Variants in XRCC4 observed in about 807,000 individuals in gnomAD.
XRCC4 encodes DNA repair protein XRCC4.
A neutral mutation model predicts 39.1 loss-of-function variants in XRCC4; 28 were observed. The ratio of observed to expected loss-of-function variants is 0.72; its 90% CI spans 0.53 to 0.98. The LOEUF is 0.98. Among genes scored for constraint, XRCC4 ranks in the 50% least tolerant of loss-of-function variants. The pLI, the probability that XRCC4 is intolerant of heterozygous loss-of-function variation, is 0.00. For synonymous variants in XRCC4, 123 were observed against 126.4 expected (o/e 0.97, Z 0.18); for missense variants, 350 against 376.4 (o/e 0.93, Z 0.58).
chr5:83,257,290 T>A (rs1753577783), intron 6 of XRCC4, among the ~76,000 whole-genome samples: 1 of 151,784 alleles, frequency 6.6e-6, no homozygotes, highest in Non-Finnish European at 1.5e-5. Flanking sequence ...AATTTACCCA[T>A]CTGACAAAGG....
intron 3 of XRCC4, among the ~76,000 whole-genome samples, chr5:83,193,425 TA>T (rs1275537162): frequency 2.0e-5 from 3 of 152,174 alleles, no homozygotes; most frequent in South Asian, 4.1e-4. Context: ...AAAATAGATA[TA>T]AAAAAAGTTG....
Position 83,255,051 on chromosome 5 carries a change from C to T in XRCC4, c.746-3479C>T, listed in dbSNP as rs1249273857. On this transcript the variant is annotated intron_variant, in intron 6 of 7. Transcript: ENST00000396027. ...GCAGTGAGCCGAGATCACGCCATTGCGCTCCAGCCTGGGCAACAAGAGCAA... is the reference window on the plus strand; with the variant it reads ...GCAGTGAGCCGAGATCACGCCATTGTGCTCCAGCCTGGGCAACAAGAGCAA... 2.7e-5 allele frequency among the ~76,000 whole-genome samples: 4 copies of T among 150,332 alleles called. No individual in the cohort carries two copies. The South Asian group carries it at 6.3e-4, about 24-fold the overall frequency.
chr5:83,138,638 G>A (rs1748017770), intron 3 of XRCC4, among the ~76,000 whole-genome samples: 1 of 151,926 alleles, frequency 6.6e-6, no homozygotes, highest in Non-Finnish European at 1.5e-5. Context: ...TGCATATTAT[G>A]TTACTCTGCC....
At chr5:83,276,451 A>AATGGATTAATCCATTC (rs59303784) in intron 7 of XRCC4, among the ~76,000 whole-genome samples, 19,638 of 143,894 alleles carry the variant, frequency 0.14, 2,517 homozygotes, top group African/African-American at 0.39. Context: ...TTCATTTATG[A>AATGGATTAATCCATTC]ATGGATTAAT....
chr5:83,303,093 G>A (rs1398891482), intron 7 of XRCC4, among the ~76,000 whole-genome samples: 3 of 151,782 alleles, frequency 2.0e-5, no homozygotes, highest in African/African-American at 4.8e-5. Flanking sequence ...CAAGCCTGTA[G>A]TCCCAGCTAC....
At chr5:83,164,046 AGATTTT>A (rs1054892876) in intron 3 of XRCC4, among the ~76,000 whole-genome samples, 5 of 152,194 alleles carry the variant, frequency 3.3e-5, no homozygotes, top group Admixed American at 3.3e-4. Context: ...GAGGGCATTA[AGATTTT>A]TAAGTAAAAT....
intron 7 of XRCC4, among the ~76,000 whole-genome samples, chr5:83,276,732 G>A (rs62371876): frequency 0.023 from 3,453 of 151,934 alleles, 59 homozygotes; most frequent in Middle Eastern, 0.044. Context: ...GTGTCTTTGT[G>A]TGTTTTCTGT....
In XRCC4 at chr5:83,238,315, C is replaced by A. The variant is rs1752769505; in HGVS notation, c.746-20215C>A. Among the ~76,000 whole-genome samples the A allele has an allele frequency of 1.3e-5, 2 of 152,126 alleles. 1 individual carries two copies. Among genetic ancestry groups the A allele is most frequent in the South Asian group, 4.1e-4 (2 of 4,826 alleles). On this transcript the variant is annotated intron_variant, in intron 6 of 7. Transcript: ENST00000396027. ...TACCTTATTACCTACTAGTGGCAGT[C>A]CTCAGAAAATGAGATCTTGCCTCCT... is the stretch of plus-strand genomic sequence containing the variant.
rs34524513 is a variant in XRCC4 at position 83,118,044 on chromosome 5, CCACACACACA to C, written c.315+6866_315+6875del. 5.9e-5 allele frequency among the ~76,000 whole-genome samples: 7 copies of C among 118,526 alleles called. No individual in the cohort carries two copies. The East Asian group carries it at 1.3e-3, about 22-fold the overall frequency. The allele number at this position is 118,526 out of a possible 152,430, so 77.8% of individuals were successfully genotyped here. A position where few individuals can be genotyped will look rare whatever the true frequency, so the allele number is the denominator to read the frequency against. ...TATATATGTGTATGTATATACATCT[CCACACACACA>C]CACACACACACACACACACACACAT... On this transcript the variant is annotated intron_variant, in intron 3 of 7. Coordinates refer to ENST00000396027, the MANE Select transcript of XRCC4 (RefSeq NM_003401.5).
intron 3 of XRCC4, among the ~76,000 whole-genome samples, chr5:83,172,600 A>G (rs571340794): frequency 4.6e-5 from 7 of 152,186 alleles, no homozygotes; most frequent in South Asian, 2.1e-4. Flanking sequence ...CTTTAATTCT[A>G]TTTTTCAGAC....
chr5:83,247,124 G>A (rs1373766875), intron 6 of XRCC4, among the ~76,000 whole-genome samples: 1 of 152,186 alleles, frequency 6.6e-6, no homozygotes, highest in Non-Finnish European at 1.5e-5. Flanking sequence ...ACAAACAGTG[G>A]TTTTAATCAA....
At chr5:83,339,576 T>G (rs1455475978) in intron 7 of XRCC4, among the ~76,000 whole-genome samples, 1 of 151,786 alleles carries the variant, frequency 6.6e-6, no homozygotes, top group Non-Finnish European at 1.5e-5. Flanking sequence ...TGTATACCTA[T>G]GTAACAAACC....
intron 3 of XRCC4, among the ~76,000 whole-genome samples, chr5:83,184,879 G>A (rs1750366655): frequency 1.3e-5 from 2 of 151,864 alleles, no homozygotes; most frequent in Admixed American, 6.6e-5. Flanking sequence ...TGTTATTTTT[G>A]TTGTGGTTTA....
chr5:83,258,482 G>C, intron 6 of XRCC4, 48 bp from the exon 7 acceptor site: 1 of 1,581,464 alleles, frequency 6.3e-7, no homozygotes. Context: ...ACTTACAAAT[G>C]ATGTGCATAA....
intron 3 of XRCC4, among the ~76,000 whole-genome samples, chr5:83,130,313 G>A (rs1284762260): frequency 6.6e-6 from 1 of 152,188 alleles, no homozygotes; most frequent in Non-Finnish European, 1.5e-5. Flanking sequence ...TCCCAGGGAT[G>A]AAGTCAACTT....
At chr5:83,215,598 G>A (rs928145553) in intron 6 of XRCC4, among the ~76,000 whole-genome samples, 1 of 152,120 alleles carries the variant, frequency 6.6e-6, no homozygotes, top group Non-Finnish European at 1.5e-5. Context: ...TTATTATAAA[G>A]ATAGTCATTA....
intron 6 of XRCC4, among the ~76,000 whole-genome samples, chr5:83,224,969 A>C (rs1436920726): frequency 6.6e-6 from 1 of 152,090 alleles, no homozygotes; most frequent in Non-Finnish European, 1.5e-5. Context: ...TAGTTTCTGG[A>C]GATTTATCTT....
rs28360137 is a variant in XRCC4 at position 83,195,979 on chromosome 5, C to G, written c.482+43C>G. On this transcript the variant is annotated intron_variant, in intron 4 of 7. Transcript: ENST00000396027. ...TTGTGGTATAAAAATACGGAGCCCT[C>G]TTTATGTTGTTATAGCTTTAAGTTA... is the stretch of plus-strand genomic sequence containing the variant. 6.3e-4 allele frequency: 953 copies of G among 1,511,900 alleles called. 5 individuals carry two copies. The African/African-American group carries it at 0.012, about 19-fold the overall frequency. The allele number at this position is 1,511,900 out of a possible 1,614,324, so 93.7% of individuals were successfully genotyped here. A position where few individuals can be genotyped will look rare whatever the true frequency, so the allele number is the denominator to read the frequency against.
chr5:83,316,232 T>C (rs976515194), intron 7 of XRCC4, among the ~76,000 whole-genome samples: 4 of 152,138 alleles, frequency 2.6e-5, no homozygotes, highest in Admixed American at 1.3e-4. Context: ...AGACTTCTTA[T>C]GGATGAGCAA....
Sources: allele counts gnomAD v4.1 joint callset (sites outside exome capture counted in the v4.1 genomes callset), GRCh38; gene constraint gnomAD v4.1.1; transcripts MANE v1.5; gene names NCBI Gene and HGNC (gene_info 2026-07-23, HGNC 2026-07-21).